ASNS: variants seen among roughly 807,000 people sequenced by gnomAD.
ASNS encodes the protein asparagine synthetase [glutamine-hydrolyzing].
A neutral mutation model predicts 62.6 loss-of-function variants in ASNS; 37 were observed. The observed-to-expected ratio is 0.59, with a 90% CI of 0.45 to 0.78. The LOEUF (loss-of-function observed/expected upper bound fraction) is 0.78. Ranked by LOEUF, ASNS falls within the 30% of genes least tolerant of loss-of-function variation. ASNS has a pLI of 0.00. For synonymous variants in ASNS, 207 were observed against 237.9 expected, an observed-to-expected ratio of 0.87 and a Z score of 1.19; for missense variants, 520 against 682.4, an observed-to-expected ratio of 0.76 and a Z score of 2.65.
chr7:97,912,591 T>TTTTTTTTC, the ASNS span, among the ~76,000 whole-genome samples: 2 of 79,378 alleles, frequency 2.5e-5, no homozygotes, highest in African/African-American at 1.0e-4. Flanking sequence ...TTTTTTTTTT[T>TTTTTTTTC]TTCTGTTTTC....
chr7:97,920,432 G>A, the ASNS span, among the ~76,000 whole-genome samples: 3 of 150,706 alleles, frequency 2.0e-5, no homozygotes, highest in Non-Finnish European at 4.4e-5. Context: ...CTCCTGCCCC[G>A]GGGCTCTGAT....
At chr7:97,908,551 C>T in the ASNS span, 2 of 152,048 alleles carry the variant, frequency 1.3e-5, no homozygotes, top group South Asian at 4.2e-4. Context: ...CAGGCACGCA[C>T]CACTACTGCC....
chr7:97,915,771 A>G, the ASNS span, among the ~76,000 whole-genome samples: 1 of 152,128 alleles, frequency 6.6e-6, no homozygotes, highest in Non-Finnish European at 1.5e-5. Flanking sequence ...GAGCAAAGGA[A>G]GTTCAAGAGC....
Position 97,852,167 on chromosome 7 carries a change from G to A in ASNS, c.*92C>T. 7.1e-7 allele frequency: 1 copy of A among 1,411,154 alleles called. No individual in the cohort carries two copies. The highest frequency in any genetic ancestry group is 9.8e-7 in the Non-Finnish European group (1 of 1,025,474). 87.4% of individuals were successfully genotyped at this position (1,411,154 alleles called of 1,614,324 possible). On this transcript the variant is annotated 3_prime_UTR_variant, in exon 13 of 13. Coordinates refer to ENST00000394308, the MANE Select transcript of ASNS (RefSeq NM_001673.5). ...TTTTATTTTTTTCACACCCAAGTTA[G>A]CCTGAGTTGACTCTCATTGTTCCCC...
the ASNS span, among the ~76,000 whole-genome samples, chr7:97,907,853 A>T: frequency 6.6e-6 from 1 of 152,308 alleles, no homozygotes; most frequent in African/African-American, 2.4e-5. Context: ...AGAATTTTAT[A>T]GCCAGCTAAA....
chr7:97,907,718 G>A, the ASNS span, among the ~76,000 whole-genome samples: 7 of 150,030 alleles, frequency 4.7e-5, no homozygotes, highest in Non-Finnish European at 7.4e-5. Flanking sequence ...GCAGTGAGCC[G>A]AGATCGCACC....
At position 97,869,101 on chromosome 7, in the gene ASNS, A is replaced by G. The variant is rs1201928996; in HGVS notation, c.56T>C (p.Leu19Pro). 6.8e-6 allele frequency: 11 copies of G among 1,614,242 alleles called. No homozygotes were observed. The highest frequency in any genetic ancestry group is 9.3e-6 in the Non-Finnish European group (11 of 1,180,052). Residue 19 changes from leucine to proline, a missense_variant, in exon 3 of 13, where the codon CTG (leucine) becomes CCG (proline). Coordinates refer to ENST00000394308, the MANE Select transcript of ASNS (RefSeq NM_001673.5). ...TCTGTGTGCAATCTTCATAGCACTC[A>G]GACACTGAACAGAAAGGCAATCATC... ...GSDDCLSVQC[L>P]SAMKIAHRGP...
chr7:97,923,248 A>G, the ASNS span, among the ~76,000 whole-genome samples: 1 of 147,888 alleles, frequency 6.8e-6, no homozygotes, highest in Non-Finnish European at 1.5e-5. Context: ...AAGTTTTCAA[A>G]TCATGATTGA....
At chr7:97,904,193 G>A in the ASNS span, among the ~76,000 whole-genome samples, 9 of 151,676 alleles carry the variant, frequency 5.9e-5, no homozygotes, top group Admixed American at 2.0e-4. Context: ...TTTTATAAAC[G>A]AGTAAAAATA....
Position 97,859,352 on chromosome 7 carries a change from C to T in ASNS, c.534G>A (p.Glu178=). ...CTTCATAGTGTCCAGGAAGAAAAGG[C>T]TCCACTTTTAAAAAGGGAGTCGCGG... ...KHSATPFLKV[E]PFLPGHYEVL... is the part of the protein sequence containing the mutation. Residue 178 remains glutamate (E), a synonymous_variant, in exon 5 of 13, where the codon GAG becomes GAA. Transcript: ENST00000394308. 2 of 1,613,596 alleles carry T rather than the reference C, an allele frequency of 1.2e-6. No homozygotes were observed. The highest frequency in any genetic ancestry group is 8.5e-7 in the Non-Finnish European group (1 of 1,179,782).
At chr7:97,903,526 G>A in the ASNS span, among the ~76,000 whole-genome samples, 3 of 152,122 alleles carry the variant, frequency 2.0e-5, no homozygotes, top group Non-Finnish European at 4.4e-5. Context: ...CAGGAGAAAC[G>A]CACCATTCAC....
chr7:97,873,491 AG>A (rs1349494339), upstream of ASNS, among the ~76,000 whole-genome samples: 49 of 152,210 alleles, frequency 3.2e-4, no homozygotes, highest in Non-Finnish European at 8.8e-5. Context: ...GCAAGAGCAA[AG>A]ATGAGAGATG....
At chr7:97,928,382 G>T in the ASNS span, 1 of 729,204 alleles carries the variant, frequency 1.4e-6, no homozygotes, top group Non-Finnish European at 2.1e-6. Context: ...GTCTGAGCGC[G>T]GGCTCGGAGG....
chr7:97,896,741 C>CATATATATATATAT, the ASNS span, among the ~76,000 whole-genome samples: 509 of 19,656 alleles, frequency 0.026, 49 homozygotes, highest in Non-Finnish European at 0.046. Flanking sequence ...CACACACACA[C>CATATATATATATAT]ATATATATAT....
At chr7:97,918,006 C>T in the ASNS span, among the ~76,000 whole-genome samples, 1 of 152,198 alleles carries the variant, frequency 6.6e-6, no homozygotes, top group Non-Finnish European at 1.5e-5. Flanking sequence ...TTTGCAGTAA[C>T]ATTGCCAGGA....
Position 97,853,234 on chromosome 7 carries a change from G to A in ASNS, c.1321-19C>T, listed in dbSNP as rs765542056. 15 of 1,605,932 alleles carry A rather than the reference G, an allele frequency of 9.3e-6. No homozygotes were observed. The South Asian group carries it at 1.3e-4, about 14-fold the overall frequency. On this transcript the variant is annotated intron_variant, in intron 11 of 12. Coordinates refer to ENST00000394308, the MANE Select transcript of ASNS (RefSeq NM_001673.5). ...TCCCATTCTGACGTGACAAAAAAAG[G>A]AGCATCAGGTAAAAATTACAAATAT...
chr7:97,864,052 C>A, intron 4 of ASNS: 1 of 518,234 alleles, frequency 1.9e-6, no homozygotes, highest in Non-Finnish European at 3.4e-6. Context: ...TAAACGACTG[C>A]ACTAAAGAAT....
Position 97,856,744 on chromosome 7 carries a change from C to T in ASNS, c.976G>A (p.Glu326Lys), listed in dbSNP as rs1791457013. ...TAAGTTTCCAAGGAAAATATGACTT[C>T]ATCCAGAGCCTGAATGCCTTCCTCA... ...NSEEGIQALDEVIFSLETYDI... is the reference protein window; with the variant it reads ...NSEEGIQALDKVIFSLETYDI... The change falls in exon 8 of 13, where the codon GAA becomes AAA. Residue 326 changes from glutamate (E) to lysine (K), a missense_variant. Transcript: ENST00000394308. 2 of 1,613,470 alleles carry T rather than the reference C, an allele frequency of 1.2e-6. No homozygotes were observed. Among genetic ancestry groups the T allele is most frequent in the South Asian group, 2.2e-5 (2 of 91,022 alleles).
the ASNS span, among the ~76,000 whole-genome samples, chr7:97,918,407 T>C: frequency 6.6e-6 from 1 of 151,926 alleles, no homozygotes; most frequent in Non-Finnish European, 1.5e-5. Context: ...CCGTCTGTGA[T>C]TGGGAAAAGG....
Sources: allele counts gnomAD v4.1 joint callset (sites outside exome capture counted in the v4.1 genomes callset), GRCh38; gene constraint gnomAD v4.1.1; transcripts MANE v1.5; gene names NCBI Gene and HGNC (gene_info 2026-07-23, HGNC 2026-07-21).